The following ITGAL variants were observed in gnomAD, a reference collection of about 807,000 sequenced individuals.
ITGAL encodes the protein integrin alpha-L.
ITGAL carries 68 observed loss-of-function variants against 138.4 expected under a neutral mutation model. That is an observed-to-expected ratio of 0.49 (90% confidence interval 0.40 to 0.60). ITGAL has a LOEUF of 0.60. Ranked by LOEUF, ITGAL falls within the 20% of genes least tolerant of loss-of-function variation. The pLI is 0.00. For missense variants in ITGAL, 1,256 were observed against 1,478.6 expected (o/e 0.85, Z 2.47); for synonymous variants, 561 against 584.3 (o/e 0.96, Z 0.57).
chr16:30,499,433 A>G lies in ITGAL; in HGVS notation c.2089A>G (p.Arg697Gly). Residue 697 changes from arginine to glycine, a missense_variant, in exon 17 of 31, where the codon AGG becomes GGG. By Grantham distance (125) the Arg-to-Gly change is moderately radical (BLOSUM62 -2). This residue lies in a region of ITGAL where 867 missense variants were observed against 972.5 expected (regional missense o/e 0.89). Transcript: ENST00000356798. ...CCCAGGAGGGAGACATGAACTCAGAAGGAATATAGCTGTCACCACCAGCAT... is the reference window on the plus strand; with the variant it reads ...CCCAGGAGGGAGACATGAACTCAGAGGGAATATAGCTGTCACCACCAGCAT... ...LFPGGRHELR[R>G]NIAVTTSMSC... 1 of 1,614,012 alleles carries G rather than the reference A, an allele frequency of 6.2e-7. No individual in the cohort carries two copies. The highest frequency in any genetic ancestry group is 8.5e-7 in the Non-Finnish European group (1 of 1,180,026).
rs558796664 is a variant in ITGAL, at chr16:30,521,635, G to T, written c.3483G>T (p.Lys1161Asn). Residue 1161 changes from lysine to asparagine, a missense_variant, in exon 31 of 31, where the codon AAG becomes AAT. This residue lies in a region of ITGAL where 867 missense variants were observed against 972.5 expected (regional missense o/e 0.89). Transcript: ENST00000356798. ...GCTGCCTGAAGCCCCTCCATGAGAAGGACTCTGAGAGTGGTGGTGGCAAGG... is the reference window on the plus strand; with the variant it reads ...GCTGCCTGAAGCCCCTCCATGAGAATGACTCTGAGAGTGGTGGTGGCAAGG... ...DPGCLKPLHE[K>N]DSESGGGKD The T allele has an allele frequency of 5.3e-5, 86 of 1,614,102 alleles. No homozygotes were observed. In the Middle Eastern group the frequency reaches 8.3e-4, roughly 16 times the overall value.
rs781045441 is a variant in ITGAL, at chr16:30,518,640, G to A, written c.3149G>A (p.Ser1050Asn). The change falls in exon 29 of 31, where the codon AGC (serine) becomes AAC (asparagine). Residue 1050 changes from serine to asparagine, a missense_variant. By Grantham distance (46) the Ser-to-Asn change is conservative. Coordinates refer to ENST00000356798, the MANE Select transcript of ITGAL (RefSeq NM_002209.3). ...CTCCCACAGGCCTCTTCCATGTTCA[G>A]CCTCTGCAGCTCCCTCTCCATCTCC... ...VGEIEASSMFSLCSSLSISFN... is the reference protein window; with the variant it reads ...VGEIEASSMFNLCSSLSISFN... 4.3e-6 allele frequency: 7 copies of A among 1,613,654 alleles called. No homozygotes were observed. In the African/African-American group the frequency reaches 8.0e-5, roughly 18 times the overall value.
chr16:30,481,584 C>T lies in ITGAL; in HGVS notation c.722C>T (p.Ala241Val), dbSNP rs753378071. 8 of 1,613,372 alleles carry T rather than the reference C, an allele frequency of 5.0e-6. No individual in the cohort carries two copies. Among genetic ancestry groups the T allele is most frequent in the Middle Eastern group, 1.7e-4 (1 of 6,058 alleles). ...TNTFGAINYV[A>V]TEVFREELGA... ...ACCTTTGGTGCCATCAATTATGTCG[C>T]GTGAGTTCCCTTTTGCAGGAGAGCA... Residue 241 changes from alanine to valine, a missense_variant and splice_region_variant, in exon 7 of 31, where the codon GCG becomes GTG. This residue lies in a region of ITGAL where 177 missense variants were observed against 288.8 expected (regional missense o/e 0.61). Transcript: ENST00000356798.
chr16:30,479,199 G>A lies in ITGAL; in HGVS notation c.436G>A (p.Gly146Ser). ...GGGTCCCATGCTGCAGGGGCGCCCT[G>A]GTTTTCAGGGTAAGGAACTGGGGAC... ...LQGPMLQGRP[G>S]FQECIKGNVD... is the part of the protein sequence containing the mutation. Residue 146 changes from glycine to serine, a missense_variant, in exon 5 of 31, where the codon GGT (glycine) becomes AGT (serine). Coordinates refer to ENST00000356798, the MANE Select transcript of ITGAL (RefSeq NM_002209.3). 1 of 1,614,064 alleles carries A rather than the reference G, an allele frequency of 6.2e-7. No homozygotes were observed. Among genetic ancestry groups the A allele is most frequent in the Non-Finnish European group, 8.5e-7 (1 of 1,180,008 alleles).
chr16:30,506,984 A>C (rs1173047328), intron 21 of ITGAL, 128 bp downstream of exon 21: 1 of 995,504 alleles, frequency 1.0e-6, no homozygotes, highest in East Asian at 2.5e-5. Flanking sequence ...TCTTAGGGTC[A>C]TATCTGGGTT....
chr16:30,497,223 G>C (rs1386760927), intron 15 of ITGAL, among the ~76,000 whole-genome samples: 2 of 151,728 alleles, frequency 1.3e-5, no homozygotes, highest in African/African-American at 2.4e-5. Flanking sequence ...GGTGCCTGTA[G>C]TCGCAGCTAC....
intron 25 of ITGAL, among the ~76,000 whole-genome samples, 190 bp from the exon 26 acceptor site, chr16:30,516,783 T>C (rs1012210359): frequency 1.3e-5 from 2 of 152,052 alleles, no homozygotes; most frequent in African/African-American, 4.8e-5. Context: ...TGGAAGAGCA[T>C]GGAAGCCACA....
chr16:30,510,951 ATG>A lies in ITGAL; in HGVS notation c.2693_2694del (p.Val898AspfsTer3). On this transcript the variant is annotated frameshift_variant, in exon 23 of 31. Coordinates refer to ENST00000356798, the MANE Select transcript of ITGAL (RefSeq NM_002209.3). LOFTEE classifies it high-confidence loss of function. ...GGGGACTCGGTTGAATTGCACGCCAATGTGACCTGGTGAGCAGGCCCCGCCCA... is the reference window on the plus strand; with the variant it reads ...GGGGACTCGGTTGAATTGCACGCCAATGACCTGGTGAGCAGGCCCCGCCCA... 6.2e-7 allele frequency: 1 copy of A among 1,613,996 alleles called. No homozygotes were observed. The highest frequency in any genetic ancestry group is 8.5e-7 in the Non-Finnish European group (1 of 1,179,940).
At chr16:30,477,569 G>A (rs1020056883) in intron 4 of ITGAL, among the ~76,000 whole-genome samples, 1 of 151,918 alleles carries the variant, frequency 6.6e-6, no homozygotes, top group African/African-American at 2.4e-5. Flanking sequence ...AAAGCAAAAA[G>A]ATGACCATGA....
chr16:30,492,227 C>G (rs2050732742), intron 11 of ITGAL, among the ~76,000 whole-genome samples: 1 of 151,358 alleles, frequency 6.6e-6, no homozygotes. Context: ...ATGAAGACAG[C>G]CTGACACTGA....
Position 30,481,546 on chromosome 16 carries a change from G to A in ITGAL, c.684G>A (p.Leu228=). Residue 228 remains leucine (L), a synonymous_variant, in exon 7 of 31, where the codon TTG becomes TTA. Coordinates refer to ENST00000356798, the MANE Select transcript of ITGAL (RefSeq NM_002209.3). ...DALLKHVKHM[L]LLTNTFGAIN... ...TGCTGAAGCATGTAAAGCACATGTT[G>A]CTGTTGACCAATACCTTTGGTGCCA... 6.2e-7 allele frequency: 1 copy of A among 1,613,650 alleles called. No homozygotes were observed. The highest frequency in any genetic ancestry group is 1.1e-5 in the South Asian group (1 of 90,968).
At chr16:30,473,088 G>A (rs2050416969) in intron 1 of ITGAL, among the ~76,000 whole-genome samples, 190 bp downstream of exon 1, 1 of 152,120 alleles carries the variant, frequency 6.6e-6, no homozygotes, top group Non-Finnish European at 1.5e-5. Flanking sequence ...AGCAAGGGGT[G>A]GAGGCAAAGA....
chr16:30,496,645 T>C (rs961219204), intron 15 of ITGAL, 79 bp downstream of exon 15: 6 of 1,334,274 alleles, frequency 4.5e-6, no homozygotes, highest in Non-Finnish European at 5.9e-6. Flanking sequence ...TATTTATTTA[T>C]TTTGGTTTTT....
At chr16:30,506,654 A>C in intron 20 of ITGAL, 61 bp from the exon 21 acceptor site, 1 of 1,290,762 alleles carries the variant, frequency 7.7e-7, no homozygotes, top group Non-Finnish European at 1.1e-6. Context: ...CAGATCCCTC[A>C]GTTCTGATAT....
At chr16:30,500,700 C>T (rs1361236073) in intron 17 of ITGAL, among the ~76,000 whole-genome samples, 1 of 152,042 alleles carries the variant, frequency 6.6e-6, no homozygotes, top group Non-Finnish European at 1.5e-5. Context: ...CAGGCATGCA[C>T]CACCACATCT....
intron 25 of ITGAL, among the ~76,000 whole-genome samples, chr16:30,516,748 TGA>T (rs774241428): frequency 3.3e-5 from 5 of 152,024 alleles, no homozygotes; most frequent in Non-Finnish European, 5.9e-5. Flanking sequence ...GCAGGGTGTG[TGA>T]GAGTGTGCTG....
chr16:30,475,734 C>CTTTT lies in ITGAL; in HGVS notation c.327+177_327+180dup, dbSNP rs35994365. Among the ~76,000 whole-genome samples, 60 of 81,298 alleles carry CTTTT rather than the reference C, an allele frequency of 7.4e-4. 12 individuals are homozygous for CTTTT. Among genetic ancestry groups the CTTTT allele is most frequent in the African/African-American group, 2.4e-3 (40 of 16,470 alleles). The allele number at this position is 81,298 out of a possible 152,430, so 53.3% of individuals were successfully genotyped here. On this transcript the variant is annotated intron_variant, in intron 4 of 30. Transcript: ENST00000356798. ...TATTGAGAACCAATGATGAACCAGC[C>CTTTT]TTTTTTTTTTTTTTTTTTTTTTTTT...
intron 24 of ITGAL, among the ~76,000 whole-genome samples, chr16:30,511,456 G>T (rs1218086301): frequency 1.3e-5 from 2 of 152,204 alleles, no homozygotes; most frequent in African/African-American, 4.8e-5. Context: ...CCTCTGTGAG[G>T]CAGCTGTGCC....
intron 6 of ITGAL, 179 bp from the exon 7 acceptor site, chr16:30,481,260 C>T (rs977832553): frequency 5.5e-6 from 3 of 543,968 alleles, no homozygotes; most frequent in Admixed American, 3.4e-5. Flanking sequence ...GCATGAAAAT[C>T]GCTGGAACCC....
Sources: allele counts gnomAD v4.1 joint callset (sites outside exome capture counted in the v4.1 genomes callset), GRCh38; gene constraint gnomAD v4.1.1; regional missense constraint gnomAD v4.1.1; transcripts MANE v1.5; gene names NCBI Gene and HGNC (gene_info 2026-07-23, HGNC 2026-07-21).